Variants in PRDM16 observed in about 807,000 individuals in gnomAD.
PRDM16 encodes the protein histone-lysine N-methyltransferase PRDM16.
A neutral mutation model predicts 110.6 loss-of-function variants in PRDM16; 23 were observed. The ratio of observed to expected loss-of-function variants is 0.21; its 90% CI spans 0.15 to 0.29. The LOEUF (loss-of-function observed/expected upper bound fraction) is 0.29, where lower values mean the gene tolerates loss of function less well. Among genes scored for constraint, PRDM16 ranks in the 10% least tolerant of loss-of-function variants. PRDM16 has a pLI of 1.00. For synonymous variants in PRDM16, 799 were observed against 781.8 expected (o/e 1.02, Z -0.37); for missense variants, 1,615 against 1,794.3 (o/e 0.90, Z 1.81).
In PRDM16 at chr1:3,411,600, T is replaced by C. The variant is rs1030763525; in HGVS notation, c.1403T>C (p.Met468Thr). ...APGLPLTPSP[M>T]MDKAKPSPSL... is the part of the protein sequence containing the mutation. Reference sequence around the variant, plus strand: ...GGCCTGCCCTTGACCCCCAGCCCCATGATGGACAAGGCAAAACCCTCCCCC... The same window carrying C: ...GGCCTGCCCTTGACCCCCAGCCCCACGATGGACAAGGCAAAACCCTCCCCC... Residue 468 changes from methionine (M) to threonine (T), a missense_variant, in exon 9 of 17, where the codon ATG (methionine) becomes ACG (threonine). By Grantham distance (81) the Met-to-Thr change is moderately conservative (BLOSUM62 -1). This residue lies in a region of PRDM16 where 772 missense variants were observed against 748.3 expected (regional missense o/e 1.03). Transcript: ENST00000270722. 3 of 1,613,776 alleles carry C rather than the reference T, an allele frequency of 1.9e-6. No individual in the cohort carries two copies. Among genetic ancestry groups the C allele is most frequent in the East Asian group, 2.2e-5 (1 of 44,860 alleles).
At position 3,069,324 on chromosome 1, in the gene PRDM16, CGCCGCCGGGGCCCGG is replaced by C. The variant is rs1347088762; in HGVS notation, c.37+38_37+52del. On this transcript the variant is annotated intron_variant, in intron 1 of 16. Transcript: ENST00000270722. This position sits in a 1 kb window ranked among gnomAD's most constrained non-coding sequence, Gnocchi z 6.1. ...AAGTCTCCCGCGCTCGGCCGCGCCG[CGCCGCCGGGGCCCGG>C]GCCGCCGGGCCGGGGCGCCCGGGCC... 4 of 1,231,224 alleles carry C rather than the reference CGCCGCCGGGGCCCGG, an allele frequency of 3.2e-6. No homozygotes were observed. The highest frequency in any genetic ancestry group is 1.6e-5 in the African/African-American group (1 of 62,620). The allele number at this position is 1,231,224 out of a possible 1,614,324, so 76.3% of individuals were successfully genotyped here.
chr1:3,424,338 G>T (rs932986009), intron 12 of PRDM16, among the ~76,000 whole-genome samples: 5 of 152,264 alleles, frequency 3.3e-5, no homozygotes, highest in Admixed American at 1.3e-4. Context: ...GTCACCACGT[G>T]TGGCTGTGAA....
chr1:3,410,150 TTG>T (rs1310563205), intron 8 of PRDM16, among the ~76,000 whole-genome samples: 1 of 150,972 alleles, frequency 6.6e-6, no homozygotes, highest in Non-Finnish European at 1.5e-5. Context: ...TGGTGTGTGG[TTG>T]TGTGTGCTGT....
chr1:3,169,546 T>G (rs1276224411), intron 1 of PRDM16, among the ~76,000 whole-genome samples: 1 of 151,918 alleles, frequency 6.6e-6, no homozygotes, highest in Non-Finnish European at 1.5e-5. Context: ...ATCCATAAAA[T>G]GGAGATAATA....
rs570145961 is a variant in PRDM16 at position 3,184,686 on chromosome 1, C to T, written c.38-1439C>T. Reference sequence around the variant, plus strand: ...CTCTAGTTTCCAAACACCTCATCACCCCGAAAGGAGACCTGGGCCTCTCGC... The same window carrying T: ...CTCTAGTTTCCAAACACCTCATCACTCCGAAAGGAGACCTGGGCCTCTCGC... On this transcript the variant is annotated intron_variant, in intron 1 of 16. Coordinates refer to ENST00000270722, the MANE Select transcript of PRDM16 (RefSeq NM_022114.4). 4.5e-4 allele frequency among the ~76,000 whole-genome samples: 68 copies of T among 152,302 alleles called. No homozygotes were observed. The East Asian group carries it at 0.011, about 25-fold the overall frequency.
chr1:3,119,065 G>T (rs534078308), intron 1 of PRDM16, among the ~76,000 whole-genome samples: 2 of 152,308 alleles, frequency 1.3e-5, no homozygotes, highest in Admixed American at 1.3e-4. Flanking sequence ...GTGGGAGACG[G>T]TATGGCCATC....
chr1:3,349,563 C>T (rs559106678), intron 3 of PRDM16, among the ~76,000 whole-genome samples: 22 of 152,172 alleles, frequency 1.4e-4, no homozygotes, highest in Non-Finnish European at 2.2e-4. Context: ...GTCCTTGTCC[C>T]GGGGCAGCTG....
intron 2 of PRDM16, among the ~76,000 whole-genome samples, chr1:3,235,885 C>T (rs1393465201): frequency 6.6e-6 from 1 of 152,166 alleles, no homozygotes; most frequent in Non-Finnish European, 1.5e-5. Context: ...CTGGAGCAGC[C>T]CATCGAGCAT....
Position 3,244,947 on chromosome 1 carries a change from G to T in PRDM16, c.438+810G>T, listed in dbSNP as rs964780180. ...GTGGTGGCTGATCTCCTATTTTTTG[G>T]GGGGGGGTTTCTAGTAAAATTAAAG... On this transcript the variant is annotated intron_variant, in intron 3 of 16. Transcript: ENST00000270722. This position sits in a 1 kb window ranked among gnomAD's most constrained non-coding sequence, Gnocchi z 4.1. 6.6e-6 allele frequency among the ~76,000 whole-genome samples: 1 copy of T among 150,908 alleles called. No homozygotes were observed. The highest frequency in any genetic ancestry group is 6.6e-5 in the Admixed American group (1 of 15,098).
intron 3 of PRDM16, among the ~76,000 whole-genome samples, chr1:3,356,891 G>A (rs543885893): frequency 5.3e-5 from 8 of 152,298 alleles, no homozygotes; most frequent in East Asian, 3.9e-4. Context: ...TGGCTACCCC[G>A]GATCCCGGCA....
intron 3 of PRDM16, among the ~76,000 whole-genome samples, chr1:3,313,897 A>C (rs1641528104): frequency 6.6e-6 from 1 of 152,260 alleles, no homozygotes; most frequent in Admixed American, 6.5e-5. Context: ...AGCGAATGTG[A>C]ACACTGTTCG....
chr1:3,178,390 C>T (rs1644113575), intron 1 of PRDM16, among the ~76,000 whole-genome samples: 1 of 152,170 alleles, frequency 6.6e-6, no homozygotes, highest in Admixed American at 6.5e-5. Context: ...AAACCCAGAA[C>T]CGAGCTCTGC....
At chr1:3,381,239 C>G (rs9424294) in intron 3 of PRDM16, among the ~76,000 whole-genome samples, 3 of 152,156 alleles carry the variant, frequency 2.0e-5, no homozygotes, top group Non-Finnish European at 2.9e-5. Context: ...TGCAGGAACA[C>G]GCCCACACAC....
intron 3 of PRDM16, among the ~76,000 whole-genome samples, chr1:3,288,701 C>T (rs1043442755): frequency 1.3e-5 from 2 of 152,280 alleles, no homozygotes; most frequent in East Asian, 1.9e-4. Context: ...TAAGAGAGAC[C>T]CAAGTCCTGC....
At chr1:3,236,768 T>G (rs1009027834) in intron 2 of PRDM16, among the ~76,000 whole-genome samples, 2 of 152,240 alleles carry the variant, frequency 1.3e-5, no homozygotes, top group African/African-American at 2.4e-5. Context: ...GGGAGGCTAC[T>G]TTACCTCTCT....
At chr1:3,319,749 C>T (rs939199505) in intron 3 of PRDM16, among the ~76,000 whole-genome samples, 23 of 152,210 alleles carry the variant, frequency 1.5e-4, no homozygotes, top group Non-Finnish European at 5.9e-5. Flanking sequence ...GGGCTCTTTC[C>T]TCTGTGCCAC....
rs1639802171 is a variant in PRDM16, at chr1:3,246,884, A to C, written c.438+2747A>C. Among the ~76,000 whole-genome samples, 2 of 152,186 alleles carry C rather than the reference A, an allele frequency of 1.3e-5. No homozygotes were observed. The highest frequency in any genetic ancestry group is 2.9e-5 in the Non-Finnish European group (2 of 68,026). Reference sequence around the variant, plus strand: ...GGCAAAGTCTTCAGACTCGGGGGCCAGGAAGACCAGGACAGACAGCCCTCG... The same window carrying C: ...GGCAAAGTCTTCAGACTCGGGGGCCCGGAAGACCAGGACAGACAGCCCTCG... On this transcript the variant is annotated intron_variant, in intron 3 of 16. Coordinates refer to ENST00000270722, the MANE Select transcript of PRDM16 (RefSeq NM_022114.4). This position sits in a 1 kb window ranked among gnomAD's most constrained non-coding sequence, Gnocchi z 5.2.
At position 3,436,572 on chromosome 1, in the gene PRDM16, G is replaced by A. The variant is rs1198214046; in HGVS notation, c.*2761G>A. 2 of 231,974 alleles carry A rather than the reference G, an allele frequency of 8.6e-6. No homozygotes were observed. The highest frequency in any genetic ancestry group is 5.6e-5 in the Admixed American group (1 of 17,736). The allele number at this position is 231,974 out of a possible 1,614,324, so 14.4% of individuals were successfully genotyped here. On this transcript the variant is annotated 3_prime_UTR_variant, in exon 17 of 17. Transcript: ENST00000270722. ...AAGGCAGCACTTATTTCCTGGGCTGGTGCGCCCCAAAACACGGCCCCGACA... is the reference window on the plus strand; with the variant it reads ...AAGGCAGCACTTATTTCCTGGGCTGATGCGCCCCAAAACACGGCCCCGACA...
At chr1:3,285,043 G>T (rs1640814402) in intron 3 of PRDM16, among the ~76,000 whole-genome samples, 1 of 152,192 alleles carries the variant, frequency 6.6e-6, no homozygotes, top group African/African-American at 2.4e-5. Context: ...GCTTCACCTG[G>T]TGCCCTGGAC....
Sources: allele counts gnomAD v4.1 joint callset (sites outside exome capture counted in the v4.1 genomes callset), GRCh38; gene constraint gnomAD v4.1.1; regional missense constraint gnomAD v4.1.1; non-coding constraint Gnocchi (gnomAD v3.1); transcripts MANE v1.5; gene names NCBI Gene and HGNC (gene_info 2026-07-23, HGNC 2026-07-21).